The following LRP1B variants were observed in gnomAD, a reference collection of about 807,000 sequenced individuals.
The protein encoded by LRP1B is low-density lipoprotein receptor-related protein 1B.
Under a neutral mutation model 556.6 loss-of-function variants are expected in LRP1B, and 217 were observed. The ratio of observed to expected loss-of-function variants is 0.39; its 90% CI spans 0.35 to 0.44. The LOEUF is 0.44. LRP1B is among the 20% of genes least tolerant of loss of function. The pLI is 1.00. For missense variants in LRP1B, 5,053 were observed against 5,620.8 expected, an observed-to-expected ratio of 0.90 and a Z score of 3.23; for synonymous variants, 2,047 against 1,865.8, an observed-to-expected ratio of 1.10 and a Z score of -2.50.
chr2:141,722,264 G>T (rs1692846292), intron 2 of LRP1B, among the ~76,000 whole-genome samples: 1 of 152,086 alleles, frequency 6.6e-6, no homozygotes, highest in African/African-American at 2.4e-5. Context: ...TGTAATCACG[G>T]CTGCTCAGGA....
intron 3 of LRP1B, among the ~76,000 whole-genome samples, chr2:141,260,039 CT>C (rs747970126): frequency 5.3e-5 from 8 of 151,972 alleles, no homozygotes; most frequent in Non-Finnish European, 1.2e-4. Context: ...CTCTTTTATG[CT>C]TTTATTTTTG....
chr2:141,559,316 G>A (rs1463650367), intron 2 of LRP1B, among the ~76,000 whole-genome samples: 1 of 151,630 alleles, frequency 6.6e-6, no homozygotes, highest in African/African-American at 2.4e-5. Context: ...TGTCAGCAGT[G>A]CAACTGACAA....
chr2:141,619,005 G>A (rs181490870), intron 2 of LRP1B, among the ~76,000 whole-genome samples: 2 of 152,302 alleles, frequency 1.3e-5, no homozygotes, highest in African/African-American at 4.8e-5. Context: ...GAAGTTTCAA[G>A]GATTTTATCT....
chr2:140,704,152 C>T (rs1189062984), intron 37 of LRP1B, among the ~76,000 whole-genome samples: 1 of 151,888 alleles, frequency 6.6e-6, no homozygotes, highest in South Asian at 2.1e-4. Flanking sequence ...CCTGCAGCCT[C>T]GTCAGGATAT....
At chr2:141,159,101 A>G (rs927693835) in intron 7 of LRP1B, among the ~76,000 whole-genome samples, 1 of 152,146 alleles carries the variant, frequency 6.6e-6, no homozygotes, top group Non-Finnish European at 1.5e-5. Context: ...AAAAGACAAA[A>G]TGTATGAAGT....
intron 2 of LRP1B, among the ~76,000 whole-genome samples, chr2:141,755,594 C>A (rs1694289019): frequency 6.6e-6 from 1 of 151,852 alleles, no homozygotes; most frequent in African/African-American, 2.4e-5. Flanking sequence ...TGGAGGGCAA[C>A]AAGTCAGCAA....
chr2:140,467,454 A>T (rs75500364), intron 60 of LRP1B, among the ~76,000 whole-genome samples: 1 of 149,382 alleles, frequency 6.7e-6, no homozygotes, highest in African/African-American at 2.6e-5. Context: ...AAATTAAAAA[A>T]AAAAAAAATT....
intron 87 of LRP1B, among the ~76,000 whole-genome samples, chr2:140,246,508 C>A (rs1681170571): frequency 7.6e-6 from 1 of 131,792 alleles, no homozygotes. Context: ...CACAAGTGAC[C>A]CTAAGACTAT....
chr2:140,511,838 A>T (rs1234869497), intron 51 of LRP1B, among the ~76,000 whole-genome samples: 3 of 152,172 alleles, frequency 2.0e-5, no homozygotes, highest in Non-Finnish European at 2.9e-5. Context: ...GCTAACTAGT[A>T]TGTCTTCAGT....
intron 1 of LRP1B, among the ~76,000 whole-genome samples, chr2:141,902,791 G>A (rs1199378620): frequency 1.3e-5 from 2 of 151,774 alleles, no homozygotes; most frequent in Admixed American, 6.6e-5. Flanking sequence ...GCATAAAATT[G>A]GATCATTAGA....
At chr2:141,820,079 A>G (rs923312153) in intron 1 of LRP1B, among the ~76,000 whole-genome samples, 1 of 152,174 alleles carries the variant, frequency 6.6e-6, no homozygotes, top group Non-Finnish European at 1.5e-5. Context: ...AAATACCTCA[A>G]TAGTAAGGAT....
rs530024741 is a variant in LRP1B at position 141,810,344 on chromosome 2, G to A, written c.140C>T (p.Ser47Phe). ...FLCHDHVTCV[S>F]QSWLCDGDPD... The stretch of plus-strand genomic sequence containing the variant: ...GTCCCCATCACACAGCCAGCTCTGG[G>A]AGACACAAGTCACGTGATCGTGGCA... The change falls in exon 2 of 91, where the codon TCC becomes TTC. Residue 47 changes from serine (S) to phenylalanine (F), a missense_variant. Around this residue, in one of 5 missense-constraint regions of LRP1B, gnomAD observed 3,619 missense variants for 3,931.9 expected, o/e 0.92. Coordinates refer to ENST00000389484, the MANE Select transcript of LRP1B (RefSeq NM_018557.3). The A allele has an allele frequency of 4.3e-5, 70 of 1,613,116 alleles. 1 individual carries two copies. In the South Asian group the frequency reaches 6.8e-4, roughly 16 times the overall value.
Position 140,700,306 on chromosome 2 carries a change from A to G in LRP1B, c.6743T>C (p.Phe2248Ser). 6.2e-7 allele frequency: 1 copy of G among 1,612,670 alleles called. No homozygotes were observed. The highest frequency in any genetic ancestry group is 8.5e-7 in the Non-Finnish European group (1 of 1,179,128). The change falls in exon 41 of 91, where the codon TTT becomes TCT. Residue 2248 changes from phenylalanine to serine, a missense_variant. Phe to Ser is a radical substitution (Grantham distance 155). Around this residue, in one of 5 missense-constraint regions of LRP1B, gnomAD observed 3,619 missense variants for 3,931.9 expected, o/e 0.92. Coordinates refer to ENST00000389484, the MANE Select transcript of LRP1B (RefSeq NM_018557.3). Reference protein sequence around the residue: ...TNRIFYSDAHFGNIQLIKDNW... With the variant: ...TNRIFYSDAHSGNIQLIKDNW... The stretch of plus-strand genomic sequence containing the variant: ...GTCTTTAATAAGCTGTATATTTCCA[A>G]AGTGTGCATCACTGTAAAAGATTCG...
chr2:141,700,519 A>G (rs75494351), intron 2 of LRP1B, among the ~76,000 whole-genome samples: 1 of 151,766 alleles, frequency 6.6e-6, no homozygotes, highest in South Asian at 2.1e-4. Context: ...TGTAACCCAT[A>G]AATTATTATG....
At chr2:140,855,521 A>C (rs1692591103) in intron 27 of LRP1B, among the ~76,000 whole-genome samples, 1 of 150,460 alleles carries the variant, frequency 6.6e-6, no homozygotes, top group Non-Finnish European at 1.5e-5. Context: ...ATGGCTTCCC[A>C]CAGTCTACCT....
At chr2:140,821,564 C>T (rs78651611) in intron 31 of LRP1B, among the ~76,000 whole-genome samples, 5,968 of 152,152 alleles carry the variant, frequency 0.039, 297 homozygotes, top group East Asian at 0.17. Context: ...ACTGAGGTTC[C>T]TTATTTTATT....
chr2:140,520,613 G>T (rs1690121554), intron 49 of LRP1B, among the ~76,000 whole-genome samples: 1 of 151,166 alleles, frequency 6.6e-6, no homozygotes, highest in Non-Finnish European at 1.5e-5. Context: ...ATTTTTTTTG[G>T]TGCCAGTTTC....
chr2:141,005,247 G>T, intron 15 of LRP1B, 88 bp downstream of exon 15: 1 of 1,407,080 alleles, frequency 7.1e-7, no homozygotes, highest in Non-Finnish European at 9.6e-7. Flanking sequence ...CTCTTTCCAA[G>T]TGTCATTTTA....
chr2:140,665,733 C>T (rs116647029), intron 41 of LRP1B, among the ~76,000 whole-genome samples: 37 of 152,192 alleles, frequency 2.4e-4, no homozygotes, highest in African/African-American at 8.9e-4. Context: ...AGCAAGAAAA[C>T]TGTGTATGTC....
Sources: allele counts gnomAD v4.1 joint callset (sites outside exome capture counted in the v4.1 genomes callset), GRCh38; gene constraint gnomAD v4.1.1; regional missense constraint gnomAD v4.1.1; transcripts MANE v1.5; gene names NCBI Gene and HGNC (gene_info 2026-07-23, HGNC 2026-07-21).